Variants in C12orf76 observed in about 807,000 individuals in gnomAD.
C12orf76 encodes the protein chromosome 12 open reading frame 76.
C12orf76 carries 6 observed loss-of-function variants against 6.8 expected under a neutral mutation model. The ratio of observed to expected loss-of-function variants is 0.88; its 90% CI spans 0.48 to 1.73. The LOEUF (loss-of-function observed/expected upper bound fraction) is 1.73. Ranked by LOEUF, C12orf76 falls within the 40% of genes most tolerant of loss-of-function variation. The probability of loss-of-function intolerance (pLI) is 0.01; values close to 1 mark genes in which losing one functional copy is unlikely to be tolerated. For synonymous variants in C12orf76, 56 were observed against 43.7 expected, an observed-to-expected ratio of 1.28 and a Z score of -1.11; for missense variants, 99 against 98.2, an observed-to-expected ratio of 1.01 and a Z score of -0.03.
chr12:110,048,787 G>A (rs1376673309), upstream of C12orf76: 1 of 567,444 alleles, frequency 1.8e-6, no homozygotes. Flanking sequence ...ATCCATTGGG[G>A]TCGAGGTCTT....
At chr12:110,042,749 C>A in intron 1 of C12orf76, 1 of 614,256 alleles carries the variant, frequency 1.6e-6, no homozygotes, top group Non-Finnish European at 2.9e-6. Flanking sequence ...AGGAAGCATC[C>A]GAGGAGGAGA....
intron 1 of C12orf76, among the ~76,000 whole-genome samples, chr12:110,044,905 G>T (rs1212405415): frequency 6.6e-6 from 1 of 152,058 alleles, no homozygotes; most frequent in Non-Finnish European, 1.5e-5. Context: ...CCCGGGAGGC[G>T]GAGGTTGCGG....
chr12:110,063,616 T>C (rs891148469), intron 2 of C12orf76, among the ~76,000 whole-genome samples: 1 of 147,954 alleles, frequency 6.8e-6, no homozygotes, highest in South Asian at 2.1e-4. Context: ...ATTTATTTAT[T>C]TATTTATTTA....
upstream of C12orf76, among the ~76,000 whole-genome samples, chr12:110,068,257 AAGAAGAAGAAG>A (rs1385355314): frequency 9.8e-4 from 63 of 64,436 alleles, 1 homozygote; most frequent in African/African-American, 4.0e-3. Context: ...AAAGAAGAAG[AAGAAGAAGAAG>A]AAGAAGAAGA....
chr12:110,050,959 G>T (rs1892564168), upstream of C12orf76: 2 of 725,466 alleles, frequency 2.8e-6, no homozygotes, highest in Non-Finnish European at 5.1e-6. Flanking sequence ...CTACCTTTGG[G>T]TAAGTGTTGG....
chr12:110,047,562 C>T (rs1277949673), intron 1 of C12orf76, among the ~76,000 whole-genome samples: 2 of 151,984 alleles, frequency 1.3e-5, no homozygotes, highest in East Asian at 1.9e-4. Flanking sequence ...CGCCTGTAGT[C>T]CCAGCTACTC....
chr12:110,073,040 C>T lies in C12orf76; in HGVS notation n.213+382G>A, dbSNP rs144726613. Among the ~76,000 whole-genome samples the T allele has an allele frequency of 5.8e-3, 878 of 152,244 alleles. 12 individuals are homozygous for T. Among genetic ancestry groups the T allele is most frequent in the African/African-American group, 0.02 (813 of 41,528 alleles). On this transcript the variant is annotated intron_variant and non_coding_transcript_variant, in intron 1 of 1. Transcript: ENST00000548936. ...TTAAAATACATTTATAAACCTGGTC[C>T]TATTCTTCCCAAGCACGGTGACTCA... is the stretch of plus-strand genomic sequence containing the variant.
chr12:110,046,344 C>T (rs981595152), intron 1 of C12orf76, among the ~76,000 whole-genome samples: 2 of 152,240 alleles, frequency 1.3e-5, no homozygotes, highest in South Asian at 4.1e-4. Context: ...GATAATTGCT[C>T]GAACCCAGGA....
At chr12:110,061,628 C>T (rs954994692) in intron 2 of C12orf76, among the ~76,000 whole-genome samples, 2 of 151,926 alleles carry the variant, frequency 1.3e-5, no homozygotes, top group Admixed American at 6.6e-5. Flanking sequence ...CCTCTGCTGC[C>T]TGTGTTCAAG....
chr12:110,060,865 A>G (rs1248355216), intron 2 of C12orf76, among the ~76,000 whole-genome samples: 2 of 151,896 alleles, frequency 1.3e-5, no homozygotes, highest in Non-Finnish European at 2.9e-5. Flanking sequence ...GTGAAACCCA[A>G]TCTCTACTAA....
chr12:110,060,903 C>T (rs575887904), intron 2 of C12orf76, among the ~76,000 whole-genome samples: 2 of 151,970 alleles, frequency 1.3e-5, no homozygotes, highest in South Asian at 2.1e-4. Flanking sequence ...GGTGTGGTGG[C>T]GGGCACCTGT....
chr12:110,061,802 C>G (rs904389586), intron 2 of C12orf76, among the ~76,000 whole-genome samples: 4 of 151,888 alleles, frequency 2.6e-5, no homozygotes, highest in Non-Finnish European at 5.9e-5. Flanking sequence ...TCCCAAAGTG[C>G]TGGGATTACA....
chr12:110,070,681 A>C (rs1023682993), upstream of C12orf76, among the ~76,000 whole-genome samples: 1 of 152,208 alleles, frequency 6.6e-6, no homozygotes, highest in Non-Finnish European at 1.5e-5. Flanking sequence ...TTAATGCAGA[A>C]GGGGGCATTT....
At chr12:110,068,295 GAAGAAGAAGAAGAAGAA>G, upstream of C12orf76, among the ~76,000 whole-genome samples, 1 of 145,962 alleles carries the variant, frequency 6.9e-6, no homozygotes, top group East Asian at 1.9e-4. Flanking sequence ...AGAAGAAGAA[GAAGAAGAAGAAGAAGAA>G]GAAGAAGAAG....
At chr12:110,051,036 G>A (rs1892565502), upstream of C12orf76, 1 of 778,600 alleles carries the variant, frequency 1.3e-6, no homozygotes, top group African/African-American at 1.7e-5. Flanking sequence ...TAAAGACACT[G>A]TGCACCAACT....
intron 1 of C12orf76, among the ~76,000 whole-genome samples, chr12:110,043,251 A>G (rs11064829): frequency 0.19 from 28,408 of 151,906 alleles, 4,889 homozygotes; most frequent in African/African-American, 0.46. Context: ...TCAGGCCAGA[A>G]AGGAAGGCTG....
upstream of C12orf76, chr12:110,051,165 G>A (rs770916176): frequency 1.3e-6 from 1 of 779,648 alleles, no homozygotes; most frequent in Admixed American, 1.7e-5. Context: ...CCAGAGCAAA[G>A]CTAAATGGCA....
intron 2 of C12orf76, among the ~76,000 whole-genome samples, chr12:110,062,080 G>A (rs904337357): frequency 2.6e-5 from 4 of 151,858 alleles, no homozygotes; most frequent in Non-Finnish European, 4.4e-5. Flanking sequence ...TTTGGCCAAC[G>A]TGGTAAGACC....
At chr12:110,049,765 G>A (rs1892544689), upstream of C12orf76, 1 of 152,194 alleles carries the variant, frequency 6.6e-6, no homozygotes, top group African/African-American at 2.4e-5. Context: ...TGGGCTCAGA[G>A]GCCTCACACC....
Sources: allele counts gnomAD v4.1 joint callset (sites outside exome capture counted in the v4.1 genomes callset), GRCh38; gene constraint gnomAD v4.1.1; transcripts MANE v1.5; gene names NCBI Gene and HGNC (gene_info 2026-07-23, HGNC 2026-07-21).